DPF3: variants seen among roughly 807,000 people sequenced by gnomAD.
The protein encoded by DPF3 is zinc finger protein DPF3.
DPF3 carries 18 observed loss-of-function variants against 56.8 expected under a neutral mutation model. The ratio of observed to expected loss-of-function variants is 0.32; its 90% confidence interval spans 0.22 to 0.47. The LOEUF (loss-of-function observed/expected upper bound fraction) is 0.47, where lower values mean the gene tolerates loss of function less well. Among genes scored for constraint, DPF3 ranks in the 20% least tolerant of loss-of-function variants. The pLI is 1.00. For synonymous variants in DPF3, 188 were observed against 180.2 expected (o/e 1.04, Z -0.35); for missense variants, 403 against 488.8 (o/e 0.82, Z 1.65).
chr14:72,782,378 C>T (rs576803133), intron 1 of DPF3, among the ~76,000 whole-genome samples: 40 of 152,204 alleles, frequency 2.6e-4, no homozygotes, highest in African/African-American at 9.6e-4. Flanking sequence ...CACACGCCAC[C>T]ACACTTGGCT....
chr14:72,882,880 T>C (rs1886373117), intron 1 of DPF3, among the ~76,000 whole-genome samples: 1 of 152,162 alleles, frequency 6.6e-6, no homozygotes, highest in Non-Finnish European at 1.5e-5. Flanking sequence ...TGCTAGCACT[T>C]ACTTTGCCCT....
chr14:72,781,816 T>C (rs1265089437), intron 1 of DPF3, among the ~76,000 whole-genome samples: 1 of 152,118 alleles, frequency 6.6e-6, no homozygotes, highest in African/African-American at 2.4e-5. Flanking sequence ...CGTGACCAAA[T>C]AAATCTCTCC....
intron 3 of DPF3, among the ~76,000 whole-genome samples, chr14:72,735,677 C>T (rs1889861960): frequency 6.6e-6 from 1 of 152,170 alleles, no homozygotes; most frequent in Non-Finnish European, 1.5e-5. Flanking sequence ...TTGATTTGCT[C>T]CCATAGGTTC....
At chr14:72,847,453 A>G (rs940249529) in intron 1 of DPF3, among the ~76,000 whole-genome samples, 2 of 152,100 alleles carry the variant, frequency 1.3e-5, no homozygotes, top group African/African-American at 4.8e-5. Flanking sequence ...ATCTCCCTGA[A>G]GCATAATCAG....
intron 8 of DPF3, among the ~76,000 whole-genome samples, chr14:72,657,953 A>G (rs980708915): frequency 2.0e-5 from 3 of 152,184 alleles, no homozygotes; most frequent in Non-Finnish European, 2.9e-5. Context: ...TCTCCAACCC[A>G]ACAAAAGAAA....
intron 1 of DPF3, among the ~76,000 whole-genome samples, chr14:72,861,721 G>A (rs374891327): frequency 1.4e-4 from 5 of 35,792 alleles, no homozygotes; most frequent in Non-Finnish European, 2.5e-4. Flanking sequence ...AGAAGAAAGA[G>A]AGAGAAAGAA....
chr14:72,861,698 A>G (rs371684323), intron 1 of DPF3, among the ~76,000 whole-genome samples: 1 of 146,342 alleles, frequency 6.8e-6, no homozygotes, highest in Non-Finnish European at 1.5e-5. Context: ...AAAAGAAAGA[A>G]AGAGAGAGAG....
chr14:72,736,089 C>G (rs1889883165), intron 3 of DPF3, among the ~76,000 whole-genome samples: 1 of 152,136 alleles, frequency 6.6e-6, no homozygotes, highest in Admixed American at 6.5e-5. Flanking sequence ...TAATACCGGC[C>G]ACTTATGTAA....
At chr14:72,649,208 T>TA (rs1422811047) in intron 8 of DPF3, among the ~76,000 whole-genome samples, 1 of 152,104 alleles carries the variant, frequency 6.6e-6, no homozygotes, top group East Asian at 1.9e-4. Context: ...AATAGAAAGT[T>TA]AAAAAGACCT....
chr14:72,633,790 C>T (rs934568338), intron 8 of DPF3, among the ~76,000 whole-genome samples: 2 of 152,090 alleles, frequency 1.3e-5, no homozygotes, highest in African/African-American at 4.8e-5. Flanking sequence ...TGAGGAGGGG[C>T]CGGGGGTGGC....
intron 2 of DPF3, among the ~76,000 whole-genome samples, chr14:72,769,241 T>C (rs932235338): frequency 6.6e-6 from 1 of 152,144 alleles, no homozygotes; most frequent in Non-Finnish European, 1.5e-5. Context: ...CTAAGTAACT[T>C]TTCCTACAAA....
intron 1 of DPF3, among the ~76,000 whole-genome samples, chr14:72,880,533 G>A (rs1289618213): frequency 6.6e-6 from 1 of 152,214 alleles, no homozygotes. Flanking sequence ...CCAAAGGTAG[G>A]CTGAGAGGAG....
chr14:72,669,185 G>T (rs1886564410), intron 8 of DPF3, among the ~76,000 whole-genome samples: 1 of 152,184 alleles, frequency 6.6e-6, no homozygotes, highest in South Asian at 2.1e-4. Flanking sequence ...GGGTTTCTTG[G>T]CTTGTCCTTG....
intron 1 of DPF3, among the ~76,000 whole-genome samples, chr14:72,893,713 G>A (rs945816948): frequency 1.7e-4 from 26 of 150,156 alleles, no homozygotes; most frequent in African/African-American, 6.1e-4. Flanking sequence ...CCGCGAGGCG[G>A]GGGACTCCGG....
chr14:72,701,701 G>T (rs867868483), intron 6 of DPF3, among the ~76,000 whole-genome samples: 2 of 152,260 alleles, frequency 1.3e-5, no homozygotes, highest in Middle Eastern at 3.4e-3. Flanking sequence ...GCCCAACTTG[G>T]AGCACACAGT....
At chr14:72,883,288 C>T (rs778747045) in intron 1 of DPF3, among the ~76,000 whole-genome samples, 3 of 151,900 alleles carry the variant, frequency 2.0e-5, no homozygotes, top group Non-Finnish European at 2.9e-5. Context: ...CAGTGAGACC[C>T]CCATCTCTAT....
chr14:72,753,964 C>G (rs1012848010), intron 2 of DPF3, among the ~76,000 whole-genome samples: 2 of 151,834 alleles, frequency 1.3e-5, no homozygotes, highest in African/African-American at 4.8e-5. Flanking sequence ...ACATGACCTG[C>G]AGAGCCCGCA....
intron 4 of DPF3, among the ~76,000 whole-genome samples, chr14:72,725,943 C>G (rs150779971): frequency 0.011 from 1,715 of 152,274 alleles, 31 homozygotes; most frequent in African/African-American, 0.039. Flanking sequence ...CACCAGCTGA[C>G]AGCACTTAAA....
At chr14:72,738,188 C>A (rs1889977921) in intron 3 of DPF3, among the ~76,000 whole-genome samples, 1 of 152,002 alleles carries the variant, frequency 6.6e-6, no homozygotes, top group African/African-American at 2.4e-5. Context: ...TGGTGGCAGG[C>A]CCAGGGATCC....
Sources: allele counts gnomAD v4.1 joint callset (sites outside exome capture counted in the v4.1 genomes callset), GRCh38; gene constraint gnomAD v4.1.1; transcripts MANE v1.5; gene names NCBI Gene and HGNC (gene_info 2026-07-23, HGNC 2026-07-21).